FEZ1: variants seen among roughly 807,000 people sequenced by gnomAD.
FEZ1 encodes the protein fasciculation and elongation protein zeta 1, also known as fasciculation and elongation protein zeta-1.
Under a neutral mutation model 49.3 loss-of-function variants are expected in FEZ1, and 20 were observed. That is an observed-to-expected ratio of 0.41 (90% confidence interval 0.29 to 0.59). The LOEUF (loss-of-function observed/expected upper bound fraction) is 0.59, where lower values mean the gene tolerates loss of function less well. Among genes scored for constraint, FEZ1 ranks in the 20% least tolerant of loss-of-function variants. The probability of loss-of-function intolerance (pLI) is 0.36; values close to 1 mark genes in which losing one functional copy is unlikely to be tolerated. For missense variants in FEZ1, 413 were observed against 476.0 expected (o/e 0.87, Z 1.23); for synonymous variants, 170 against 180.9 (o/e 0.94, Z 0.48).
chr11:125,447,145 A>G (rs1243805284), intron 9 of FEZ1, among the ~76,000 whole-genome samples: 1 of 152,224 alleles, frequency 6.6e-6, no homozygotes, highest in Non-Finnish European at 1.5e-5. Context: ...ATGTCACCCC[A>G]TGGAAGTCTG....
At chr11:125,457,220 A>C (rs1161256508) in intron 5 of FEZ1, among the ~76,000 whole-genome samples, 1 of 148,916 alleles carries the variant, frequency 6.7e-6, no homozygotes, top group Non-Finnish European at 1.5e-5. Context: ...AAATAAATAA[A>C]AACTTTATAC....
chr11:125,478,029 T>C (rs1194407379), intron 3 of FEZ1, among the ~76,000 whole-genome samples: 2 of 152,224 alleles, frequency 1.3e-5, no homozygotes, highest in Non-Finnish European at 2.9e-5. Context: ...TTACTTTGAT[T>C]TTAACAAAAA....
At chr11:125,449,414 CTAT>C (rs1956929306) in intron 8 of FEZ1, among the ~76,000 whole-genome samples, 1 of 5,948 alleles carries the variant, frequency 1.7e-4, no homozygotes, top group Non-Finnish European at 2.6e-4. Flanking sequence ...GACTTTGTCT[CTAT>C]AAAAAAAAAA....
At chr11:125,492,726 T>C (rs1332429073) in intron 1 of FEZ1, among the ~76,000 whole-genome samples, 2 of 152,214 alleles carry the variant, frequency 1.3e-5, no homozygotes, top group Non-Finnish European at 2.9e-5. Flanking sequence ...TGAAGATTAC[T>C]TTTTGGACTA....
Position 125,489,940 on chromosome 11 carries a change from G to T in FEZ1, c.-45-118C>A. On this transcript the variant is annotated intron_variant, in intron 1 of 9. Transcript: ENST00000278919. This position sits in a 1 kb window ranked among gnomAD's most constrained non-coding sequence, Gnocchi z 4.2. ...CTCCAAAAAACAAGGCACTGGTTAA[G>T]TACGAAGCTCCTGGACAAGATCGTC... The T allele has an allele frequency of 2.3e-6, 2 of 880,768 alleles. No homozygotes were observed. The highest frequency in any genetic ancestry group is 3.2e-6 in the Non-Finnish European group (2 of 622,954). 54.6% of individuals were successfully genotyped at this position (880,768 alleles called of 1,614,324 possible). A position where few individuals can be genotyped will look rare whatever the true frequency, so the allele number is the denominator to read the frequency against.
chr11:125,454,196 T>G lies in FEZ1; in HGVS notation c.954A>C (p.Glu318Asp). ...NQMPLKRFSMEGISNILQSGI... is the reference protein window; with the variant it reads ...NQMPLKRFSMDGISNILQSGI... ...CACTCTGCAGAATGTTGGAGATGCC[T>G]TCCATGCTGAAGCGCTGTGGGGGAG... Residue 318 changes from glutamate to aspartate, a missense_variant, in exon 7 of 10, where the codon GAA becomes GAC. Transcript: ENST00000278919. 3.1e-6 allele frequency: 5 copies of G among 1,613,530 alleles called. No individual in the cohort carries two copies. The highest frequency in any genetic ancestry group is 4.2e-6 in the Non-Finnish European group (5 of 1,179,700).
In FEZ1 at chr11:125,445,702, T is replaced by G; in HGVS notation, c.*393A>C. The G allele has an allele frequency of 3.0e-6, 1 of 331,542 alleles. No homozygotes were observed. The highest frequency in any genetic ancestry group is 2.4e-5 in the South Asian group (1 of 41,612). The allele number at this position is 331,542 out of a possible 1,614,324, so 20.5% of individuals were successfully genotyped here. Reference sequence around the variant, plus strand: ...AATGCTATACAGCCCGTCTCTGGAGTCTGGAGCAGAGGGCTAATGGACATC... The same window carrying G: ...AATGCTATACAGCCCGTCTCTGGAGGCTGGAGCAGAGGGCTAATGGACATC... On this transcript the variant is annotated 3_prime_UTR_variant, in exon 10 of 10. Transcript: ENST00000278919. The surrounding 1 kb of genome is among the most constrained non-coding windows in gnomAD (Gnocchi z 4.4).
Position 125,495,576 on chromosome 11 carries a change from A to C in FEZ1, c.-46+545T>G, listed in dbSNP as rs969183292. ...ACTGCAGGAATGCGCGGTCTGGGGA[A>C]GGCTCCGCACTCTGGGGAGGGGCAC... On this transcript the variant is annotated intron_variant, in intron 1 of 9. Coordinates refer to ENST00000278919, the MANE Select transcript of FEZ1 (RefSeq NM_005103.5). The surrounding 1 kb of genome is among the most constrained non-coding windows in gnomAD (Gnocchi z 4.2). The C allele has an allele frequency of 2.1e-6, 1 of 470,884 alleles. No individual in the cohort carries two copies. The highest frequency in any genetic ancestry group is 2.3e-5 in the Admixed American group (1 of 42,566). The allele number at this position is 470,884 out of a possible 1,614,324, so 29.2% of individuals were successfully genotyped here.
At chr11:125,457,421 A>T (rs1228972853) in intron 5 of FEZ1, among the ~76,000 whole-genome samples, 11 of 40,614 alleles carry the variant, frequency 2.7e-4, no homozygotes, top group East Asian at 1.3e-3. Flanking sequence ...AAAAAAAAAA[A>T]AAAAAAAAAT....
At chr11:125,446,957 T>A (rs899178620) in intron 9 of FEZ1, among the ~76,000 whole-genome samples, 1 of 152,158 alleles carries the variant, frequency 6.6e-6, no homozygotes, top group African/African-American at 2.4e-5. Flanking sequence ...CTTCTGATCC[T>A]TATAGAAACA....
chr11:125,489,482 G>T lies in FEZ1; in HGVS notation c.296C>A (p.Thr99Asn), dbSNP rs751262752. 2 of 1,613,334 alleles carry T rather than the reference G, an allele frequency of 1.2e-6. No homozygotes were observed. Among genetic ancestry groups the T allele is most frequent in the East Asian group, 2.2e-5 (1 of 44,882 alleles). ...GACTTCTTACTCCTCGTCCTGAAGGGTCTCCTCCTCCTCTTGGATCTGTAA... is the reference window on the plus strand; with the variant it reads ...GACTTCTTACTCCTCGTCCTGAAGGTTCTCCTCCTCCTCTTGGATCTGTAA... ...NQLQIQEEEE[T>N]LQDEEVWDAL... The change falls in exon 2 of 10, where the codon ACC (threonine) becomes AAC (asparagine). Residue 99 changes from threonine (T) to asparagine (N), a missense_variant. Physicochemically the swap from Thr to Asn is moderately conservative, Grantham distance 65 (BLOSUM62 0). Coordinates refer to ENST00000278919, the MANE Select transcript of FEZ1 (RefSeq NM_005103.5). This position sits in a 1 kb window ranked among gnomAD's most constrained non-coding sequence, Gnocchi z 4.2.
rs1957445306 is a variant in FEZ1 at position 125,495,140 on chromosome 11, C to G, written c.-46+981G>C. 1 of 347,370 alleles carries G rather than the reference C, an allele frequency of 2.9e-6. No homozygotes were observed. The allele number at this position is 347,370 out of a possible 1,614,324, so 21.5% of individuals were successfully genotyped here. A position where few individuals can be genotyped will look rare whatever the true frequency, so the allele number is the denominator to read the frequency against. ...GCTTGCTCCCCTCCCCCTCCTCCCG[C>G]TGCTCCATTCACCTCCATCTCAGAT... On this transcript the variant is annotated intron_variant, in intron 1 of 9. Transcript: ENST00000278919. This position sits in a 1 kb window ranked among gnomAD's most constrained non-coding sequence, Gnocchi z 4.2.
intron 3 of FEZ1, among the ~76,000 whole-genome samples, chr11:125,465,329 A>G (rs1429866059): frequency 6.6e-6 from 1 of 152,130 alleles, no homozygotes; most frequent in Non-Finnish European, 1.5e-5. Flanking sequence ...TTTCAACTAT[A>G]TCATCTCCTC....
Position 125,482,380 on chromosome 11 carries a change from C to A in FEZ1, c.312-747G>T, listed in dbSNP as rs143138584. Among the ~76,000 whole-genome samples, 1,322 of 152,272 alleles carry A rather than the reference C, an allele frequency of 8.7e-3. 12 individuals are homozygous for A. Among genetic ancestry groups the A allele is most frequent in the South Asian group, 0.018 (88 of 4,820 alleles). On this transcript the variant is annotated intron_variant, in intron 2 of 9. Coordinates refer to ENST00000278919, the MANE Select transcript of FEZ1 (RefSeq NM_005103.5). ...TATATAAAAGAAACCAATAAATACA[C>A]CTCTGTCTACACAATTTGTTTTTAG...
chr11:125,464,225 T>C (rs1049207118), intron 3 of FEZ1, among the ~76,000 whole-genome samples: 1 of 152,076 alleles, frequency 6.6e-6, no homozygotes, highest in Admixed American at 6.6e-5. Context: ...TCTCTATAAT[T>C]CCATAATCCC....
At chr11:125,488,768 C>A in intron 2 of FEZ1, 2 of 985,352 alleles carry the variant, frequency 2.0e-6, no homozygotes, top group Non-Finnish European at 2.4e-6. Context: ...CCTAAGACAT[C>A]CTTCTTTAAT....
rs1956885574 is a variant in FEZ1, at chr11:125,444,829, C to T, written c.*1266G>A. Among the ~76,000 whole-genome samples the T allele has an allele frequency of 1.3e-5, 2 of 152,344 alleles. No individual in the cohort carries two copies. The highest frequency in any genetic ancestry group is 2.9e-5 in the Non-Finnish European group (2 of 68,034). On this transcript the variant is annotated 3_prime_UTR_variant, in exon 10 of 10. Coordinates refer to ENST00000278919, the MANE Select transcript of FEZ1 (RefSeq NM_005103.5). ...ACACAGCCTTGGGCGAGCTACTGAA[C>T]ATCTCTGCTGCTTGGTTTCCTCCTC...
intron 3 of FEZ1, among the ~76,000 whole-genome samples, chr11:125,468,809 G>A (rs898583786): frequency 9.9e-5 from 15 of 152,176 alleles, no homozygotes; most frequent in African/African-American, 3.6e-4. Context: ...GGGGCAGCAT[G>A]GCGGGGCTAT....
In FEZ1 at chr11:125,495,362, A is replaced by C. The variant is rs753753620; in HGVS notation, c.-46+759T>G. On this transcript the variant is annotated intron_variant, in intron 1 of 9. Coordinates refer to ENST00000278919, the MANE Select transcript of FEZ1 (RefSeq NM_005103.5). This position sits in a 1 kb window ranked among gnomAD's most constrained non-coding sequence, Gnocchi z 4.2. Reference sequence around the variant, plus strand: ...CGGCGAGGAGAGAAGGGATAGGCAAAAGGGAAGAAGAGCGGGCTGTGATAC... The same window carrying C: ...CGGCGAGGAGAGAAGGGATAGGCAACAGGGAAGAAGAGCGGGCTGTGATAC... The C allele has an allele frequency of 1.5e-5, 7 of 470,224 alleles. No homozygotes were observed. Among genetic ancestry groups the C allele is most frequent in the South Asian group, 4.7e-5 (3 of 64,462 alleles). 29.1% of individuals were successfully genotyped at this position (470,224 alleles called of 1,614,324 possible).
Sources: gnomAD v4.1 joint callset for allele counts (sites outside exome capture counted in the v4.1 genomes callset) on GRCh38, gnomAD v4.1.1 for gene constraint, Gnocchi (gnomAD v3.1) non-coding constraint, MANE v1.5 for transcripts, NCBI Gene and HGNC (gene_info 2026-07-23, HGNC 2026-07-21) for gene names.